ACYP2: variants seen among roughly 807,000 people sequenced by gnomAD.
ACYP2 encodes the protein acylphosphatase-2.
Under a neutral mutation model 11.2 loss-of-function variants are expected in ACYP2, and 12 were observed. The observed-to-expected ratio is 1.08, with a 90% CI of 0.69 to 1.74. The LOEUF (loss-of-function observed/expected upper bound fraction) is 1.74, where lower values mean the gene tolerates loss of function less well. Among genes scored for constraint, ACYP2 ranks in the 40% most tolerant of loss-of-function variants. The probability of loss-of-function intolerance (pLI) is 0.00; values close to 1 mark genes in which losing one functional copy is unlikely to be tolerated. For synonymous variants in ACYP2, 43 were observed against 32.2 expected (o/e 1.33, Z -1.13); for missense variants, 134 against 101.9 (o/e 1.31, Z -1.35).
intron 4 of ACYP2, among the ~76,000 whole-genome samples, chr2:54,063,023 A>G (rs917580096): frequency 6.6e-6 from 1 of 152,224 alleles, no homozygotes; most frequent in Non-Finnish European, 1.5e-5. Flanking sequence ...TGTGTCAGGT[A>G]CTACGCTAGT....
At chr2:53,988,136 A>G (rs1407349167) in intron 2 of ACYP2, among the ~76,000 whole-genome samples, 1 of 152,258 alleles carries the variant, frequency 6.6e-6, no homozygotes, top group East Asian at 1.9e-4. Context: ...AGGCTGAGGC[A>G]GGAGGATTAC....
At chr2:54,090,543 A>G (rs1678172414) in intron 4 of ACYP2, among the ~76,000 whole-genome samples, 1 of 152,194 alleles carries the variant, frequency 6.6e-6, no homozygotes, top group African/African-American at 2.4e-5. Context: ...AGGCAGGAGA[A>G]CTGCTTGAAA....
At chr2:54,151,542 G>C (rs1330751857) in intron 6 of ACYP2, among the ~76,000 whole-genome samples, 1 of 152,086 alleles carries the variant, frequency 6.6e-6, no homozygotes, top group Non-Finnish European at 1.5e-5. Flanking sequence ...TATTTTTTTA[G>C]GGGAACAAAA....
chr2:54,007,818 T>C (rs1051642731), intron 2 of ACYP2, among the ~76,000 whole-genome samples: 2 of 151,930 alleles, frequency 1.3e-5, no homozygotes, highest in African/African-American at 2.4e-5. Context: ...TGAGCTGAGA[T>C]CGTGCCACTG....
chr2:54,059,035 CT>C (rs1431169936), intron 4 of ACYP2, among the ~76,000 whole-genome samples: 1 of 152,128 alleles, frequency 6.6e-6, no homozygotes, highest in Non-Finnish European at 1.5e-5. Context: ...TCATGCTGGC[CT>C]AAGCCATTAG....
At chr2:54,155,356 C>T (rs1372785873) in intron 6 of ACYP2, among the ~76,000 whole-genome samples, 5 of 151,280 alleles carry the variant, frequency 3.3e-5, no homozygotes, top group African/African-American at 7.3e-5. Flanking sequence ...TTTTCTTTTT[C>T]TGCTTCCTTG....
chr2:53,996,168 A>C (rs1181880785), intron 2 of ACYP2, among the ~76,000 whole-genome samples: 1 of 152,178 alleles, frequency 6.6e-6, no homozygotes, highest in Non-Finnish European at 1.5e-5. Flanking sequence ...CACAATGTAC[A>C]AACGGCTATT....
chr2:54,112,358 T>C (rs988982681), intron 4 of ACYP2, among the ~76,000 whole-genome samples: 1 of 152,236 alleles, frequency 6.6e-6, no homozygotes, highest in South Asian at 2.1e-4. Context: ...AGGACCTGCA[T>C]ACATTTGTTT....
At chr2:54,042,345 AC>A (rs1675278618) in intron 2 of ACYP2, among the ~76,000 whole-genome samples, 1 of 152,152 alleles carries the variant, frequency 6.6e-6, no homozygotes, top group Non-Finnish European at 1.5e-5. Flanking sequence ...TAAGAACTGT[AC>A]CCCCAGAAAA....
At chr2:54,158,143 A>G (rs1028377074) in intron 6 of ACYP2, among the ~76,000 whole-genome samples, 8 of 151,116 alleles carry the variant, frequency 5.3e-5, no homozygotes, top group Non-Finnish European at 1.5e-5. Context: ...CTCCTGCTTC[A>G]GCCTCCCAAG....
intron 6 of ACYP2, among the ~76,000 whole-genome samples, chr2:54,213,411 G>A (rs187669399): frequency 4.6e-5 from 7 of 152,108 alleles, no homozygotes; most frequent in East Asian, 1.9e-4. Flanking sequence ...ATACGTGCAC[G>A]TGTCTTTATG....
chr2:54,045,641 C>T (rs895490118), intron 2 of ACYP2, among the ~76,000 whole-genome samples: 9 of 149,916 alleles, frequency 6.0e-5, no homozygotes, highest in African/African-American at 2.2e-4. Context: ...ACGGTGAAAC[C>T]CTGTCTCTAC....
intron 4 of ACYP2, among the ~76,000 whole-genome samples, chr2:54,126,477 C>T (rs913371309): frequency 6.6e-6 from 1 of 151,014 alleles, no homozygotes; most frequent in African/African-American, 2.4e-5. Context: ...TTTTATCTTT[C>T]ACAAATGTAC....
At chr2:54,114,148 C>T (rs369396281) in intron 4 of ACYP2, among the ~76,000 whole-genome samples, 27 of 152,148 alleles carry the variant, frequency 1.8e-4, no homozygotes, top group African/African-American at 6.0e-4. Context: ...ACTGTGTGGC[C>T]AGATGCAGAG....
At chr2:54,011,372 A>G (rs1028241255) in intron 2 of ACYP2, among the ~76,000 whole-genome samples, 1 of 152,190 alleles carries the variant, frequency 6.6e-6, no homozygotes, top group East Asian at 1.9e-4. Flanking sequence ...GTTCTGTAGC[A>G]GAAATAATAT....
At chr2:54,282,516 T>C (rs1427340092) in intron 6 of ACYP2, among the ~76,000 whole-genome samples, 1 of 152,216 alleles carries the variant, frequency 6.6e-6, no homozygotes, top group Non-Finnish European at 1.5e-5. Context: ...TTAGTTCAGG[T>C]CACATGTTTT....
intron 2 of ACYP2, among the ~76,000 whole-genome samples, chr2:54,039,476 G>C (rs183665539): frequency 6.6e-6 from 1 of 151,894 alleles, no homozygotes; most frequent in African/African-American, 2.4e-5. Flanking sequence ...ATTTTTTCTA[G>C]AGATGGGGTT....
intron 6 of ACYP2, among the ~76,000 whole-genome samples, chr2:54,144,334 T>A (rs191500947): frequency 6.6e-6 from 1 of 152,220 alleles, no homozygotes; most frequent in East Asian, 1.9e-4. Flanking sequence ...TGCTAGGAAA[T>A]TATCCAATTT....
At chr2:53,997,558 G>A (rs1435902919) in intron 2 of ACYP2, among the ~76,000 whole-genome samples, 4 of 150,482 alleles carry the variant, frequency 2.7e-5, no homozygotes, top group East Asian at 2.0e-4. Flanking sequence ...CACTCTCCTC[G>A]GCCTCCCAAA....
Sources: allele counts gnomAD v4.1 joint callset (sites outside exome capture counted in the v4.1 genomes callset), GRCh38; gene constraint gnomAD v4.1.1; transcripts MANE v1.5; gene names NCBI Gene and HGNC (gene_info 2026-07-23, HGNC 2026-07-21).